STK39: variants seen among roughly 807,000 people sequenced by gnomAD.
The protein encoded by STK39 is serine/threonine kinase 39.
STK39 carries 20 observed loss-of-function variants against 77.8 expected under a neutral mutation model. The observed-to-expected ratio is 0.26, with a 90% CI of 0.18 to 0.37. The LOEUF is 0.37. STK39 is among the 10% of genes least tolerant of loss of function. The pLI is 1.00. For synonymous variants in STK39, 246 were observed against 234.1 expected (o/e 1.05, Z -0.47); for missense variants, 479 against 656.5 (o/e 0.73, Z 2.95).
chr2:168,181,842 G>A (rs1229769684), intron 2 of STK39, 136 bp downstream of exon 2: 8 of 651,702 alleles, frequency 1.2e-5, no homozygotes, highest in Middle Eastern at 6.0e-4. Flanking sequence ...CTGGGGAGCA[G>A]GAAGTGGTAG....
At chr2:168,067,953 C>A (rs189303798) in intron 12 of STK39, among the ~76,000 whole-genome samples, 14 of 152,212 alleles carry the variant, frequency 9.2e-5, no homozygotes, top group African/African-American at 2.6e-4. Flanking sequence ...CTGGGAAGGC[C>A]TCACAATCAC....
chr2:168,013,964 TGATGATGA>T (rs745335635), intron 15 of STK39, among the ~76,000 whole-genome samples: 2 of 152,160 alleles, frequency 1.3e-5, no homozygotes, highest in Non-Finnish European at 2.9e-5. Context: ...ATGGTAACTA[TGATGATGA>T]TGCAGCAGCC....
At chr2:168,215,446 T>C (rs1227229760) in intron 1 of STK39, among the ~76,000 whole-genome samples, 2 of 152,232 alleles carry the variant, frequency 1.3e-5, no homozygotes, top group African/African-American at 4.8e-5. Flanking sequence ...GTTCAGAGAA[T>C]ACACAGGGCG....
chr2:168,057,570 G>A (rs975185207), intron 14 of STK39, among the ~76,000 whole-genome samples: 4 of 151,768 alleles, frequency 2.6e-5, no homozygotes, highest in East Asian at 1.9e-4. Context: ...GCATGCACGC[G>A]CACACACACA....
At chr2:168,204,409 C>A (rs1689689830) in intron 1 of STK39, among the ~76,000 whole-genome samples, 1 of 152,162 alleles carries the variant, frequency 6.6e-6, no homozygotes, top group Non-Finnish European at 1.5e-5. Context: ...ATAGGAAGAC[C>A]CGGTAAACTG....
chr2:168,174,561 A>G lies in STK39; in HGVS notation c.322-7154T>C, dbSNP rs111336077. ...TAGCTAAAAAAGTTATTCAACAAAC[A>G]ATAATGATGTCTTTTGGGCTCTAAA... On this transcript the variant is annotated intron_variant, in intron 2 of 17. Coordinates refer to ENST00000355999, the MANE Select transcript of STK39 (RefSeq NM_013233.3). 7.2e-5 allele frequency among the ~76,000 whole-genome samples: 11 copies of G among 152,302 alleles called. 2 individuals are homozygous for G. The highest frequency in any genetic ancestry group is 2.2e-4 in the African/African-American group (9 of 41,540).
chr2:168,215,074 A>C (rs982960480), intron 1 of STK39, among the ~76,000 whole-genome samples: 29 of 152,332 alleles, frequency 1.9e-4, no homozygotes, highest in African/African-American at 6.7e-4. Context: ...CTTATATAAT[A>C]TGCCAACGAA....
intron 14 of STK39, among the ~76,000 whole-genome samples, chr2:168,035,975 C>T (rs927355808): frequency 2.5e-4 from 38 of 152,242 alleles, no homozygotes; most frequent in African/African-American, 8.7e-4. Context: ...GACTTCCCAG[C>T]CTTCACATTT....
chr2:168,139,768 G>A (rs762642592), intron 7 of STK39, among the ~76,000 whole-genome samples: 13 of 152,050 alleles, frequency 8.5e-5, no homozygotes, highest in Admixed American at 2.6e-4. Context: ...GTATAAACCA[G>A]TTAAAAGAAG....
chr2:168,083,433 G>A (rs754032311), intron 10 of STK39, among the ~76,000 whole-genome samples: 3 of 151,880 alleles, frequency 2.0e-5, no homozygotes, highest in Non-Finnish European at 4.4e-5. Context: ...GACTACCTTC[G>A]TCTACCAAGT....
At chr2:168,235,709 A>AT (rs1258287058) in intron 1 of STK39, among the ~76,000 whole-genome samples, 6 of 146,858 alleles carry the variant, frequency 4.1e-5, no homozygotes, top group South Asian at 2.1e-4. Flanking sequence ...GCGGTGTTTG[A>AT]TTTTTTGTCC....
intron 10 of STK39, among the ~76,000 whole-genome samples, chr2:168,118,590 A>C (rs1282280466): frequency 2.4e-5 from 3 of 124,146 alleles, no homozygotes; most frequent in Non-Finnish European, 5.1e-5. Flanking sequence ...ACTTTCCCAG[A>C]ACATATGCTT....
intron 17 of STK39, among the ~76,000 whole-genome samples, chr2:167,956,696 A>ACACACC (rs776309488): frequency 4.1e-5 from 2 of 48,994 alleles, no homozygotes; most frequent in Non-Finnish European, 4.4e-5. Context: ...ACACACACAC[A>ACACACC]CTCTCTCTCT....
intron 10 of STK39, among the ~76,000 whole-genome samples, chr2:168,110,991 T>C (rs1687107277): frequency 6.6e-6 from 1 of 152,180 alleles, no homozygotes; most frequent in Non-Finnish European, 1.5e-5. Flanking sequence ...TTATATACCT[T>C]TTGTTAGATT....
chr2:168,078,949 C>T (rs1426728188), intron 10 of STK39, among the ~76,000 whole-genome samples: 1 of 152,158 alleles, frequency 6.6e-6, no homozygotes, highest in African/African-American at 2.4e-5. Context: ...ACCAGCCTCA[C>T]GTCCACCTAT....
chr2:168,190,384 T>C (rs1433456200), intron 1 of STK39, among the ~76,000 whole-genome samples: 2 of 152,208 alleles, frequency 1.3e-5, no homozygotes, highest in African/African-American at 4.8e-5. Context: ...ATGTGGCAGT[T>C]AACTTCAAGG....
At chr2:167,996,729 T>C (rs142656131) in intron 16 of STK39, among the ~76,000 whole-genome samples, 2 of 152,326 alleles carry the variant, frequency 1.3e-5, no homozygotes, top group East Asian at 1.9e-4. Context: ...TGAGGTAGTG[T>C]AGACTCCCCC....
At chr2:167,984,436 C>T (rs1369941301) in intron 16 of STK39, among the ~76,000 whole-genome samples, 1 of 152,138 alleles carries the variant, frequency 6.6e-6, no homozygotes, top group Non-Finnish European at 1.5e-5. Flanking sequence ...AGCCAAAGAG[C>T]ATGTGAGACA....
intron 10 of STK39, among the ~76,000 whole-genome samples, chr2:168,084,711 G>C (rs1363780518): frequency 6.6e-6 from 1 of 152,218 alleles, no homozygotes; most frequent in Non-Finnish European, 1.5e-5. Flanking sequence ...TGTGAGCAGA[G>C]AGAGATGAGC....
Sources: gnomAD v4.1 joint callset for allele counts (sites outside exome capture counted in the v4.1 genomes callset) on GRCh38, gnomAD v4.1.1 for gene constraint, MANE v1.5 for transcripts, NCBI Gene and HGNC (gene_info 2026-07-23, HGNC 2026-07-21) for gene names.